CMIP: variants seen among roughly 807,000 people sequenced by gnomAD.
CMIP encodes c-Maf inducing protein, also known as C-Maf-inducing protein.
A neutral mutation model predicts 97.3 loss-of-function variants in CMIP; 13 were observed. That is an observed-to-expected ratio of 0.13 (90% CI 0.09 to 0.21). The LOEUF (loss-of-function observed/expected upper bound fraction) is 0.21, where lower values mean the gene tolerates loss of function less well. Among genes scored for constraint, CMIP ranks in the 10% least tolerant of loss-of-function variants. CMIP has a pLI of 1.00. For synonymous variants in CMIP, 538 were observed against 436.3 expected, an observed-to-expected ratio of 1.23 and a Z score of -2.91; for missense variants, 847 against 1,024.9, an observed-to-expected ratio of 0.83 and a Z score of 2.37.
At chr16:81,637,564 G>A (rs1451165559) in intron 3 of CMIP, among the ~76,000 whole-genome samples, 1 of 152,158 alleles carries the variant, frequency 6.6e-6, no homozygotes, top group Non-Finnish European at 1.5e-5. Context: ...TTTGCCTAAG[G>A]CTGCACAGCT....
chr16:81,445,209 T>TACC lies in CMIP; in HGVS notation c.-33_-32insACC. Reference sequence around the variant, plus strand: ...CCCAGCAGCCCAGGACAGCCCCCTCTCCCCGCCCCCAGCCCCCTCCCCCGG... The same window carrying TACC: ...CCCAGCAGCCCAGGACAGCCCCCTCTACCCCCCGCCCCCAGCCCCCTCCCCCGG... On this transcript the variant is annotated 5_prime_UTR_variant, in exon 1 of 21. Coordinates refer to ENST00000537098, the MANE Select transcript of CMIP (RefSeq NM_198390.3). 7.4e-7 allele frequency: 1 copy of TACC among 1,356,820 alleles called. No homozygotes were observed. The allele number at this position is 1,356,820 out of a possible 1,614,324, so 84.0% of individuals were successfully genotyped here.
At chr16:81,457,172 C>T (rs543006799) in intron 1 of CMIP, among the ~76,000 whole-genome samples, 131 of 150,648 alleles carry the variant, frequency 8.7e-4, no homozygotes, top group African/African-American at 3.1e-3. Flanking sequence ...GGAACCCCTC[C>T]GACCCCCCCG....
intron 1 of CMIP, among the ~76,000 whole-genome samples, chr16:81,495,808 C>G (rs910971937): frequency 6.6e-6 from 1 of 152,182 alleles, no homozygotes; most frequent in African/African-American, 2.4e-5. Context: ...ATCTGCTGGC[C>G]TCCCTTAGTG....
At chr16:81,566,016 C>T (rs2090977271) in intron 1 of CMIP, among the ~76,000 whole-genome samples, 1 of 152,044 alleles carries the variant, frequency 6.6e-6, no homozygotes, top group African/African-American at 2.4e-5. Flanking sequence ...CTCGGGAGGC[C>T]GAGGCAAATA....
At chr16:81,587,123 CAG>C (rs2091395477) in intron 1 of CMIP, among the ~76,000 whole-genome samples, 2 of 152,162 alleles carry the variant, frequency 1.3e-5, no homozygotes, top group Non-Finnish European at 1.5e-5. Flanking sequence ...TGATTTGAAA[CAG>C]AAATGCAGAA....
At chr16:81,677,144 G>A (rs115339423) in intron 9 of CMIP, among the ~76,000 whole-genome samples, 178 of 152,244 alleles carry the variant, frequency 1.2e-3, no homozygotes, top group African/African-American at 4.1e-3. Context: ...GGAGGAGTTC[G>A]AGGGTAGGAA....
At chr16:81,542,850 G>T (rs1027834991) in intron 1 of CMIP, among the ~76,000 whole-genome samples, 1 of 152,206 alleles carries the variant, frequency 6.6e-6, no homozygotes, top group Admixed American at 6.5e-5. Flanking sequence ...AGGGTCGGGG[G>T]TTCAACAGAG....
chr16:81,700,618 C>G (rs1480712973), intron 15 of CMIP: 1 of 152,458 alleles, frequency 6.6e-6, no homozygotes, highest in African/African-American at 2.4e-5. Context: ...GGAAGAGCAT[C>G]GAAGAGTTGG....
chr16:81,650,340 G>A (rs1272983983), intron 3 of CMIP, among the ~76,000 whole-genome samples: 1 of 152,166 alleles, frequency 6.6e-6, no homozygotes, highest in Admixed American at 6.5e-5. Flanking sequence ...TGTGCAATGG[G>A]TGAATGGGCA....
chr16:81,657,626 T>C, intron 4 of CMIP, 149 bp from the exon 5 acceptor site: 1 of 646,748 alleles, frequency 1.5e-6, no homozygotes, highest in Non-Finnish European at 2.6e-6. Context: ...GAGGGTGTTC[T>C]GATCTGTTTA....
intron 14 of CMIP, among the ~76,000 whole-genome samples, chr16:81,698,946 C>T (rs1459149161): frequency 2.0e-5 from 3 of 152,192 alleles, no homozygotes; most frequent in Non-Finnish European, 4.4e-5. Flanking sequence ...GATTCTATTA[C>T]AGATTCTTGA....
intron 10 of CMIP, among the ~76,000 whole-genome samples, chr16:81,679,375 G>C (rs1418146413): frequency 6.6e-6 from 1 of 152,116 alleles, no homozygotes; most frequent in Non-Finnish European, 1.5e-5. Flanking sequence ...TTGTGCTGTA[G>C]GGTTAGAGAG....
chr16:81,691,893 T>C, intron 11 of CMIP, 53 bp downstream of exon 11: 7 of 1,497,058 alleles, frequency 4.7e-6, no homozygotes, highest in Non-Finnish European at 6.5e-6. Context: ...CAAACCTCAG[T>C]TGTCCACCAA....
intron 1 of CMIP, among the ~76,000 whole-genome samples, chr16:81,538,283 AC>A (rs1317899399): frequency 6.6e-6 from 1 of 152,180 alleles, no homozygotes; most frequent in African/African-American, 2.4e-5. Flanking sequence ...TAAAGTAGAG[AC>A]ACTTAAGACA....
intron 1 of CMIP, among the ~76,000 whole-genome samples, chr16:81,535,449 GGTATA>G (rs2090323927): frequency 6.7e-6 from 1 of 148,696 alleles, no homozygotes; most frequent in Non-Finnish European, 1.5e-5. Context: ...TTCTGCTCAT[GGTATA>G]GCACTGGAAT....
In CMIP at chr16:81,565,937, A is replaced by G. The variant is rs546284558; in HGVS notation, c.301-41630A>G. 4.7e-3 allele frequency among the ~76,000 whole-genome samples: 717 copies of G among 151,996 alleles called. 11 individuals are homozygous for G. Among genetic ancestry groups the G allele is most frequent in the African/African-American group, 0.017 (696 of 41,460 alleles). The stretch of plus-strand genomic sequence containing the variant: ...GGGACATGCCCCTGCGCCCTCCTTC[A>G]CCTTTCAGGACCAGAGCCAGAGAGT... On this transcript the variant is annotated intron_variant, in intron 1 of 20. Transcript: ENST00000537098.
chr16:81,448,899 A>C (rs963699863), intron 1 of CMIP, among the ~76,000 whole-genome samples: 1 of 152,180 alleles, frequency 6.6e-6, no homozygotes, highest in Non-Finnish European at 1.5e-5. Flanking sequence ...CAAACTTCCC[A>C]GTTCCTGGGC....
chr16:81,563,523 C>CA (rs1233014848), intron 1 of CMIP, among the ~76,000 whole-genome samples: 2 of 152,324 alleles, frequency 1.3e-5, no homozygotes, highest in East Asian at 3.9e-4. Context: ...GCCACACTGA[C>CA]ACGTACCGCA....
intron 1 of CMIP, among the ~76,000 whole-genome samples, chr16:81,531,128 C>T (rs999265725): frequency 7.3e-6 from 1 of 136,478 alleles, no homozygotes; most frequent in Non-Finnish European, 1.7e-5. Flanking sequence ...GGAGGTCATG[C>T]GGGAGGTCAT....
Sources: gnomAD v4.1 joint callset for allele counts (sites outside exome capture counted in the v4.1 genomes callset) on GRCh38, gnomAD v4.1.1 for gene constraint, MANE v1.5 for transcripts, NCBI Gene and HGNC (gene_info 2026-07-23, HGNC 2026-07-21) for gene names.